Variants in AGBL1 observed in about 807,000 individuals in gnomAD.
The protein encoded by AGBL1 is AGBL carboxypeptidase 1, also known as cytosolic carboxypeptidase 4.
Under a neutral mutation model 118.9 loss-of-function variants are expected in AGBL1, and 130 were observed. The observed-to-expected ratio is 1.09, with a 90% CI of 0.95 to 1.26. The LOEUF (loss-of-function observed/expected upper bound fraction) is 1.26. Among genes scored for constraint, AGBL1 ranks in the 50% most tolerant of loss-of-function variants. AGBL1 has a pLI of 0.00. For synonymous variants in AGBL1, 555 were observed against 478.9 expected, an observed-to-expected ratio of 1.16 and a Z score of -2.08; for missense variants, 1,584 against 1,298.1, an observed-to-expected ratio of 1.22 and a Z score of -3.38.
chr15:86,131,501 G>C (rs2076818045), intron 1 of AGBL1, among the ~76,000 whole-genome samples: 1 of 151,992 alleles, frequency 6.6e-6, no homozygotes, highest in Admixed American at 6.5e-5. Context: ...GAAAGTTTAT[G>C]TTTGCTTTTG....
chr15:86,234,848 T>A (rs1361209184), intron 6 of AGBL1, among the ~76,000 whole-genome samples: 1 of 152,202 alleles, frequency 6.6e-6, no homozygotes, highest in African/African-American at 2.4e-5. Context: ...ATTTCAAAAG[T>A]CCTGGAGGTT....
chr15:86,516,529 G>A (rs960079534), intron 18 of AGBL1, among the ~76,000 whole-genome samples: 4 of 152,198 alleles, frequency 2.6e-5, no homozygotes, highest in Admixed American at 1.3e-4. Context: ...GCTGGGTGCG[G>A]TGGCTGACGC....
chr15:86,304,380 C>T (rs908875435), intron 17 of AGBL1, among the ~76,000 whole-genome samples: 4 of 152,158 alleles, frequency 2.6e-5, no homozygotes, highest in East Asian at 1.9e-4. Flanking sequence ...TTCATGCTCA[C>T]GTCAAGGAAG....
chr15:86,760,463 G>A (rs2078007887), intron 22 of AGBL1, among the ~76,000 whole-genome samples: 1 of 152,014 alleles, frequency 6.6e-6, no homozygotes, highest in African/African-American at 2.4e-5. Context: ...CTTTCTAAAT[G>A]CAGAGAAAAA....
chr15:86,555,043 G>A (rs2083713634), intron 21 of AGBL1, among the ~76,000 whole-genome samples: 1 of 152,086 alleles, frequency 6.6e-6, no homozygotes, highest in African/African-American at 2.4e-5. Context: ...GCATGGCGTG[G>A]GTCTCCCAGA....
chr15:86,275,288 G>C (rs1218235576), intron 15 of AGBL1, among the ~76,000 whole-genome samples: 1 of 152,166 alleles, frequency 6.6e-6, no homozygotes, highest in Non-Finnish European at 1.5e-5. Flanking sequence ...CACTCATGAA[G>C]ATGAATGTCA....
chr15:86,369,624 T>C (rs1269718923), intron 17 of AGBL1, among the ~76,000 whole-genome samples: 1 of 152,004 alleles, frequency 6.6e-6, no homozygotes, highest in African/African-American at 2.4e-5. Flanking sequence ...TGGCTAAAAT[T>C]AACAGTTTGA....
intron 12 of AGBL1, 55 bp downstream of exon 12, chr15:86,266,512 C>A (rs1042553935): frequency 1.6e-6 from 2 of 1,250,192 alleles, no homozygotes; most frequent in African/African-American, 3.0e-5. Flanking sequence ...CTCTTAATGG[C>A]ATGAGAATAG....
At chr15:86,570,155 G>C (rs1352033898) in intron 21 of AGBL1, among the ~76,000 whole-genome samples, 1 of 152,236 alleles carries the variant, frequency 6.6e-6, no homozygotes, top group African/African-American at 2.4e-5. Context: ...GATATGAAGA[G>C]TTGTCATGGG....
chr15:86,711,931 AG>A (rs2086566838), intron 22 of AGBL1, among the ~76,000 whole-genome samples: 1 of 152,200 alleles, frequency 6.6e-6, no homozygotes, highest in South Asian at 2.1e-4. Flanking sequence ...AAGACATTTT[AG>A]GTGCTTTCAT....
At chr15:86,453,114 G>A (rs35594438) in intron 18 of AGBL1, among the ~76,000 whole-genome samples, 40,123 of 151,958 alleles carry the variant, frequency 0.26, 6,174 homozygotes, top group East Asian at 0.66. Context: ...TGAGGGTAGG[G>A]ACTTTGTCTT....
At chr15:86,352,254 T>C (rs762950961) in intron 17 of AGBL1, among the ~76,000 whole-genome samples, 20 of 152,190 alleles carry the variant, frequency 1.3e-4, no homozygotes, top group Non-Finnish European at 2.4e-4. Context: ...CTCTGAGAGA[T>C]GAACTCTGAC....
chr15:86,898,140 A>T (rs1477867888), intron 22 of AGBL1, among the ~76,000 whole-genome samples: 1 of 152,018 alleles, frequency 6.6e-6, no homozygotes. Flanking sequence ...GCAGGAAAAA[A>T]CTTCTCCAGA....
intron 23 of AGBL1, among the ~76,000 whole-genome samples, chr15:86,965,967 C>T (rs998346517): frequency 2.6e-5 from 4 of 152,000 alleles, no homozygotes; most frequent in Admixed American, 6.6e-5. Flanking sequence ...CAAACCTGTA[C>T]GTTCTGCACA....
chr15:86,576,397 A>G (rs76334981), intron 21 of AGBL1, among the ~76,000 whole-genome samples: 1 of 152,214 alleles, frequency 6.6e-6, no homozygotes, highest in African/African-American at 2.4e-5. Flanking sequence ...TTATGGACAG[A>G]AAAAGGAGAT....
chr15:86,340,917 AC>A (rs1228941276), intron 17 of AGBL1, among the ~76,000 whole-genome samples: 1 of 152,162 alleles, frequency 6.6e-6, no homozygotes, highest in East Asian at 1.9e-4. Context: ...GGTGCAGACC[AC>A]TACTCCTCAC....
intron 7 of AGBL1, among the ~76,000 whole-genome samples, chr15:86,250,179 A>G (rs1320597353): frequency 1.3e-5 from 2 of 152,086 alleles, no homozygotes; most frequent in Non-Finnish European, 2.9e-5. Context: ...GTCAACCTCA[A>G]GAGGTTGAAT....
chr15:86,185,383 T>G (rs541899842), intron 5 of AGBL1, among the ~76,000 whole-genome samples: 1 of 152,352 alleles, frequency 6.6e-6, no homozygotes, highest in East Asian at 1.9e-4. Flanking sequence ...AAATACCATT[T>G]GACCCAGCCA....
At chr15:86,755,727 A>G (rs1451711064) in intron 22 of AGBL1, among the ~76,000 whole-genome samples, 4 of 152,130 alleles carry the variant, frequency 2.6e-5, no homozygotes, top group African/African-American at 9.6e-5. Flanking sequence ...GAGAGTAGAC[A>G]GTGAGTGCTT....
Sources: allele counts gnomAD v4.1 joint callset (sites outside exome capture counted in the v4.1 genomes callset), GRCh38; gene constraint gnomAD v4.1.1; transcripts MANE v1.5; gene names NCBI Gene and HGNC (gene_info 2026-07-23, HGNC 2026-07-21).